The following PEX5 variants were observed in gnomAD, a reference collection of about 807,000 sequenced individuals.
PEX5 encodes PTS1 receptor.
A neutral mutation model predicts 82.9 loss-of-function variants in PEX5; 52 were observed. The observed-to-expected ratio is 0.63, with a 90% CI of 0.50 to 0.79. The LOEUF (loss-of-function observed/expected upper bound fraction) is 0.79, where lower values mean the gene tolerates loss of function less well. PEX5 is among the 30% of genes least tolerant of loss of function. The pLI, the probability that PEX5 is intolerant of heterozygous loss-of-function variation, is 0.00. For synonymous variants in PEX5, 300 were observed against 318.8 expected (o/e 0.94, Z 0.63); for missense variants, 719 against 815.2 (o/e 0.88, Z 1.44).
In PEX5 at chr12:7,207,692, G is replaced by T; in HGVS notation, c.1000G>T (p.Asp334Tyr). 3 of 1,614,126 alleles carry T rather than the reference G, an allele frequency of 1.9e-6. No individual in the cohort carries two copies. The highest frequency in any genetic ancestry group is 2.5e-6 in the Non-Finnish European group (3 of 1,180,028). The part of the protein sequence containing the change: ...YQFEEENPLR[D>Y]HPQPFEEGLR... The stretch of plus-strand genomic sequence containing the variant: ...GTTTGAGGAGGAGAACCCCTTGCGT[G>T]ATCACCCTCAGCCTTTTGAAGAAGG... The change falls in exon 11 of 16, where the codon GAT becomes TAT. Residue 334 changes from aspartate (D) to tyrosine (Y), a missense_variant. Transcript: ENST00000675855.
At chr12:7,214,068 AAAC>A (rs1222890514), downstream of PEX5, among the ~76,000 whole-genome samples, 4 of 152,196 alleles carry the variant, frequency 2.6e-5, no homozygotes, top group African/African-American at 7.2e-5. Flanking sequence ...AAAAGTCAGG[AAAC>A]AACAGGTGCT....
chr12:7,199,052 T>A lies in PEX5; in HGVS notation c.490T>A (p.Leu164Met), dbSNP rs758107977. 6.2e-7 allele frequency: 1 copy of A among 1,610,428 alleles called. No individual in the cohort carries two copies. Among genetic ancestry groups the A allele is most frequent in the Non-Finnish European group, 8.5e-7 (1 of 1,178,044 alleles). The stretch of plus-strand genomic sequence containing the variant: ...CCCTGCCCGCTGGGCTGAGGAATAT[T>A]TGGAGCAATCAGAGGAGAAGCTGTG... Reference protein sequence around the residue: ...VSPARWAEEYLEQSEEKLWLG... With the variant: ...VSPARWAEEYMEQSEEKLWLG... Residue 164 changes from leucine to methionine, a missense_variant, in exon 6 of 16, where the codon TTG (leucine) becomes ATG (methionine). Leu to Met is a conservative substitution (Grantham distance 15). Transcript: ENST00000675855.
In PEX5 at chr12:7,191,247, G is replaced by A. The variant is rs1941048067; in HGVS notation, c.205G>A (p.Asp69Asn). Reference protein sequence around the residue: ...EDELVAEFLQDQNAPLVSRAP... With the variant: ...EDELVAEFLQNQNAPLVSRAP... ...GCAGTTGGTGGCTGAATTCCTGCAG[G>A]ACCAGAATGCACCCCTTGTGTCCCG... is the stretch of plus-strand genomic sequence containing the variant. The change falls in exon 4 of 16, where the codon GAC becomes AAC. Residue 69 changes from aspartate to asparagine, a missense_variant. By Grantham distance (23) the Asp-to-Asn change is conservative (BLOSUM62 1). Coordinates refer to ENST00000675855, the MANE Select transcript of PEX5 (RefSeq NM_001351132.2). The A allele has an allele frequency of 6.2e-7, 1 of 1,613,994 alleles. No individual in the cohort carries two copies. Among genetic ancestry groups the A allele is most frequent in the Non-Finnish European group, 8.5e-7 (1 of 1,180,018 alleles).
intron 1 of PEX5, chr12:7,190,079 C>G: frequency 6.7e-7 from 1 of 1,496,772 alleles, no homozygotes; most frequent in East Asian, 2.5e-5. Context: ...GTCCAGGCCC[C>G]TTTGTGGAGG....
At chr12:7,190,609 G>A (rs1255798008) in intron 2 of PEX5, 85 bp downstream of exon 2, 2 of 993,584 alleles carry the variant, frequency 2.0e-6, no homozygotes, top group Admixed American at 4.7e-5. Context: ...TGCAGCCTCT[G>A]AGGCAGTGAG....
rs771671844 is a variant in PEX5 at position 7,210,352 on chromosome 12, TGC to T, written c.*130_*131del. On this transcript the variant is annotated 3_prime_UTR_variant, in exon 16 of 16. Coordinates refer to ENST00000675855, the MANE Select transcript of PEX5 (RefSeq NM_001351132.2). ...ATAAGCGGTACGGCCTTTCAGGAGC[TGC>T]CTCAACGTAGGGGTGGGTAGTCTGT... The T allele has an allele frequency of 3.0e-5, 24 of 812,108 alleles. No individual in the cohort carries two copies. The highest frequency in any genetic ancestry group is 1.9e-4 in the Admixed American group (10 of 52,376). The allele number at this position is 812,108 out of a possible 1,614,324, so 50.3% of individuals were successfully genotyped here. A position where few individuals can be genotyped will look rare whatever the true frequency, so the allele number is the denominator to read the frequency against.
downstream of PEX5, among the ~76,000 whole-genome samples, chr12:7,214,310 G>C (rs1945714752): frequency 6.6e-6 from 1 of 151,934 alleles, no homozygotes; most frequent in Non-Finnish European, 1.5e-5. Flanking sequence ...CAAAGACTTG[G>C]AACCAACCCA....
intron 7 of PEX5, 197 bp downstream of exon 7, chr12:7,202,038 CTT>C (rs1244009094): frequency 3.6e-6 from 3 of 828,204 alleles, no homozygotes; most frequent in Admixed American, 2.2e-5. Flanking sequence ...CCTACTAACT[CTT>C]TTTTCTGATG....
chr12:7,202,767 G>T, intron 9 of PEX5, 63 bp downstream of exon 9: 2 of 1,086,010 alleles, frequency 1.8e-6, no homozygotes, highest in South Asian at 1.2e-5. Context: ...GTGAGTGGGT[G>T]TATGAACATC....
In PEX5 at chr12:7,189,765, C is replaced by T; in HGVS notation, c.-17+15C>T. On this transcript the variant is annotated intron_variant, in intron 1 of 15. Coordinates refer to ENST00000675855, the MANE Select transcript of PEX5 (RefSeq NM_001351132.2). ...GGCGCTCCGCGGTGAGCGCCTGACC[C>T]CGAGGGGGCCCGGGGCCGCGTCCCT... The T allele has an allele frequency of 2.2e-6, 1 of 464,162 alleles. No individual in the cohort carries two copies. The highest frequency in any genetic ancestry group is 5.9e-4 in the Middle Eastern group (1 of 1,708). 28.8% of individuals were successfully genotyped at this position (464,162 alleles called of 1,614,324 possible).
rs1227367090 is a variant in PEX5 at position 7,190,428 on chromosome 12, C to T, written c.51C>T (p.Leu17=). The change falls in exon 2 of 16, where the codon CTC becomes CTT. Residue 17 remains leucine (L), a synonymous_variant. Coordinates refer to ENST00000675855, the MANE Select transcript of PEX5 (RefSeq NM_001351132.2). Reference sequence around the variant, plus strand: ...CCGAATGCGGGGGTGCCAACCCGCTCATGAAGCTCGCCGGGCACTTCACCC... The same window carrying T: ...CCGAATGCGGGGGTGCCAACCCGCTTATGAAGCTCGCCGGGCACTTCACCC... ...VEAECGGANP[L]MKLAGHFTQD... 2 of 1,614,162 alleles carry T rather than the reference C, an allele frequency of 1.2e-6. No individual in the cohort carries two copies. Among genetic ancestry groups the T allele is most frequent in the Admixed American group, 1.7e-5 (1 of 60,030 alleles).
In PEX5 at chr12:7,193,790, TTGAAA is replaced by T. The variant is rs1270970156; in HGVS notation, c.448+2096_448+2100del. Among the ~76,000 whole-genome samples the T allele has an allele frequency of 1.2e-4, 18 of 152,300 alleles. 1 individual carries two copies. Among genetic ancestry groups the T allele is most frequent in the African/African-American group, 4.1e-4 (17 of 41,574 alleles). ...TGCAGCCATTGAAATCTTCCTTAAC[TTGAAA>T]TGAAAAAGAACTTTAGAAAAACATG... On this transcript the variant is annotated intron_variant, in intron 5 of 15. Transcript: ENST00000675855.
rs754732530 is a variant in PEX5 at position 7,210,766 on chromosome 12, C to A, written c.*543C>A. On this transcript the variant is annotated 3_prime_UTR_variant, in exon 16 of 16. Coordinates refer to ENST00000675855, the MANE Select transcript of PEX5 (RefSeq NM_001351132.2). ...AGTTTTGGTAGGAGTGCTCATGGTT[C>A]TGTCATTCTTGGACCTCTCCTGGCT... 2.7e-5 allele frequency: 6 copies of A among 223,142 alleles called. No homozygotes were observed. Among genetic ancestry groups the A allele is most frequent in the Non-Finnish European group, 5.4e-5 (6 of 111,076 alleles). The allele number at this position is 223,142 out of a possible 1,614,324, so 13.8% of individuals were successfully genotyped here.
At chr12:7,203,807 A>G (rs1944441225) in intron 10 of PEX5, among the ~76,000 whole-genome samples, 1 of 152,252 alleles carries the variant, frequency 6.6e-6, no homozygotes, top group Non-Finnish European at 1.5e-5. Flanking sequence ...AGGTTTGCAC[A>G]TGCTTGCTGC....
At position 7,191,603 on chromosome 12, in the gene PEX5, C is replaced by G. The variant is rs1354610463; in HGVS notation, c.351C>G (p.Asn117Lys). 1.9e-6 allele frequency: 3 copies of G among 1,613,928 alleles called. No homozygotes were observed. The Admixed American group carries it at 5.0e-5, about 27-fold the overall frequency. The change falls in exon 5 of 16, where the codon AAC (asparagine) becomes AAG (lysine). Residue 117 changes from asparagine to lysine, a missense_variant. By Grantham distance (94) the Asn-to-Lys change is moderately conservative. Transcript: ENST00000675855. ...TGGCAGACTTGGCCTTGTCTGAGAA[C>G]TGGGCCCAGGAGTTTCTTGCAGCTG... ...PGVADLALSE[N>K]WAQEFLAAGD...
chr12:7,215,343 T>A (rs1945747213), downstream of PEX5, among the ~76,000 whole-genome samples: 1 of 152,154 alleles, frequency 6.6e-6, no homozygotes. Flanking sequence ...GTTTGGAAAT[T>A]TCTCAAAGAA....
chr12:7,202,153 G>C (rs555016638), intron 7 of PEX5, 88 bp from the exon 8 acceptor site: 1 of 1,601,456 alleles, frequency 6.2e-7, no homozygotes, highest in Admixed American at 1.7e-5. Flanking sequence ...TCAGGGGAGG[G>C]GTGAGTACAG....
At chr12:7,206,816 G>A (rs1591786456) in intron 10 of PEX5, among the ~76,000 whole-genome samples, 1 of 152,132 alleles carries the variant, frequency 6.6e-6, no homozygotes, top group Admixed American at 6.5e-5. Context: ...TTTGCATCTT[G>A]TTTTCGTTCT....
intron 5 of PEX5, among the ~76,000 whole-genome samples, chr12:7,193,306 G>C (rs962881333): frequency 6.8e-6 from 1 of 146,220 alleles, no homozygotes; most frequent in Non-Finnish European, 1.5e-5. Flanking sequence ...CAATCTGTAC[G>C]CACTGCAACC....
Sources: gnomAD v4.1 joint callset for allele counts (sites outside exome capture counted in the v4.1 genomes callset) on GRCh38, gnomAD v4.1.1 for gene constraint, MANE v1.5 for transcripts, NCBI Gene and HGNC (gene_info 2026-07-23, HGNC 2026-07-21) for gene names.